Variants in FAM151A observed in about 807,000 individuals in gnomAD.
FAM151A encodes the protein protein FAM151A.
In FAM151A, 41 loss-of-function variants were observed where a neutral mutation model predicts 40.4. The observed-to-expected ratio is 1.01, with a 90% confidence interval of 0.79 to 1.32. FAM151A has a LOEUF of 1.32. Ranked by LOEUF, FAM151A falls within the 40% of genes most tolerant of loss-of-function variation. The pLI, the probability that FAM151A is intolerant of heterozygous loss-of-function variation, is 0.00. For missense variants in FAM151A, 740 were observed against 740.4 expected (o/e 1.00, Z 0.01); for synonymous variants, 337 against 312.5 (o/e 1.08, Z -0.83).
At chr1:54,620,428 G>A (rs1314555514) in intron 1 of FAM151A, among the ~76,000 whole-genome samples, 1 of 152,232 alleles carries the variant, frequency 6.6e-6, no homozygotes, top group Middle Eastern at 3.2e-3. Context: ...AGAGGGGGCC[G>A]GGCATGGTGG....
Position 54,623,478 on chromosome 1 carries a change from C to G in FAM151A, c.-83G>C, listed in dbSNP as rs1430802067. 1.0e-6 allele frequency: 1 copy of G among 981,190 alleles called. No individual in the cohort carries two copies. Among genetic ancestry groups the G allele is most frequent in the Non-Finnish European group, 1.6e-6 (1 of 622,220 alleles). The allele number at this position is 981,190 out of a possible 1,614,324, so 60.8% of individuals were successfully genotyped here. On this transcript the variant is annotated 5_prime_UTR_variant, in exon 1 of 8. Coordinates refer to ENST00000302250, the MANE Select transcript of FAM151A (RefSeq NM_176782.3). The stretch of plus-strand genomic sequence containing the variant: ...CCTGCAGCTGGAATCCTGTGGGAGG[C>G]AGGAGCTCCCAGCAGCACCTAATTC...
chr1:54,610,133 G>A (rs1644100403), intron 7 of FAM151A, 192 bp from the exon 8 acceptor site: 1 of 1,433,208 alleles, frequency 7.0e-7, no homozygotes, highest in East Asian at 2.5e-5. Flanking sequence ...AGAAACTCTT[G>A]TTTCAGCTCT....
rs536948940 is a variant in FAM151A, at chr1:54,610,881, C to G, written c.941-326G>C. ...GGGCCTCTTTGAGATGGCTTAACTG[C>G]GGCTCTTCTGGGTTCGGGGTCAAGG... On this transcript the variant is annotated intron_variant, in intron 6 of 7. Coordinates refer to ENST00000302250, the MANE Select transcript of FAM151A (RefSeq NM_176782.3). The G allele has an allele frequency of 6.9e-5, 68 of 985,352 alleles. No individual in the cohort carries two copies. In the African/African-American group the frequency reaches 1.2e-3, roughly 17 times the overall value. 61.0% of individuals were successfully genotyped at this position (985,352 alleles called of 1,614,324 possible).
At chr1:54,614,047 C>T (rs190957279) in intron 4 of FAM151A, among the ~76,000 whole-genome samples, 336 of 152,342 alleles carry the variant, frequency 2.2e-3, no homozygotes, top group Non-Finnish European at 4.0e-3. Context: ...TAAAACAGTT[C>T]TGGGACACAT....
intron 2 of FAM151A, among the ~76,000 whole-genome samples, chr1:54,618,226 G>C (rs567614586): frequency 6.6e-6 from 1 of 152,160 alleles, no homozygotes; most frequent in African/African-American, 2.4e-5. Flanking sequence ...CTCCTCAGCC[G>C]GGCGCGGTGG....
chr1:54,622,635 G>A (rs1397047709), intron 1 of FAM151A, among the ~76,000 whole-genome samples: 3 of 151,938 alleles, frequency 2.0e-5, no homozygotes, highest in Admixed American at 1.3e-4. Context: ...GCTACTTGTG[G>A]GGCTGAGGCA....
chr1:54,616,906 A>G (rs913250345), intron 2 of FAM151A, among the ~76,000 whole-genome samples: 3 of 152,062 alleles, frequency 2.0e-5, no homozygotes, highest in Non-Finnish European at 4.4e-5. Flanking sequence ...TAGTCTTGCT[A>G]TGTTGCCCTG....
intron 2 of FAM151A, among the ~76,000 whole-genome samples, chr1:54,617,709 ATTTTTTTTTTTTTTTTTTTTTTTT>A (rs56229276): frequency 3.6e-5 from 2 of 55,766 alleles, no homozygotes; most frequent in South Asian, 2.2e-3. Flanking sequence ...AGGGCCTGAG[ATTTTTTTTTTTTTTTTTTTTTTTT>A]TTTTTTTTTT....
At chr1:54,613,570 G>T (rs1644141040) in intron 4 of FAM151A, among the ~76,000 whole-genome samples, 1 of 152,058 alleles carries the variant, frequency 6.6e-6, no homozygotes, top group Non-Finnish European at 1.5e-5. Context: ...TTATAGGTGT[G>T]AGCCACTGTG....
At position 54,609,339 on chromosome 1, in the gene FAM151A, T is replaced by C; in HGVS notation, c.1687A>G (p.Arg563Gly). Residue 563 changes from arginine to glycine, a missense_variant, in exon 8 of 8, where the codon AGG (arginine) becomes GGG (glycine). Arg to Gly is a moderately radical substitution (Grantham distance 125). Transcript: ENST00000302250. ...TALLAARAVDRTRVYYRLPQG... is the reference protein window; with the variant it reads ...TALLAARAVDGTRVYYRLPQG... ...GGTAGCCTGTAGTAGACTCGGGTCC[T>C]GTCCACAGCCCTAGCTGCCAGCAAT... 2 of 1,614,144 alleles carry C rather than the reference T, an allele frequency of 1.2e-6. No individual in the cohort carries two copies. Among genetic ancestry groups the C allele is most frequent in the Non-Finnish European group, 1.7e-6 (2 of 1,179,978 alleles).
chr1:54,614,407 T>G (rs1358749504), intron 4 of FAM151A, among the ~76,000 whole-genome samples: 2 of 137,130 alleles, frequency 1.5e-5, no homozygotes, highest in Admixed American at 7.5e-5. Flanking sequence ...GACAGCCCCA[T>G]GAAGTCAGGG....
At position 54,610,464 on chromosome 1, in the gene FAM151A, CCACTCCACATTCAGACCGTCATCCCCAGG is replaced by C. The variant is rs373739034; in HGVS notation, c.1003_1031del (p.Pro335AlafsTer4). 0.033 allele frequency: 53,296 copies of C among 1,608,204 alleles called. 1,266 individuals carry two copies. The highest frequency in any genetic ancestry group is 0.037 in the Non-Finnish European group (44,039 of 1,176,098). Reference sequence around the variant, plus strand: ...CGCTGCCCTGGACGTCAGGAACCAGCCACTCCACATTCAGACCGTCATCCCCAGGCAGCTGGAGAAGAGGGATCAGGCTG... The same window carrying C: ...CGCTGCCCTGGACGTCAGGAACCAGCCAGCTGGAGAAGAGGGATCAGGCTG... On this transcript the variant is annotated frameshift_variant, in exon 7 of 8. Coordinates refer to ENST00000302250, the MANE Select transcript of FAM151A (RefSeq NM_176782.3). LOFTEE classifies it high-confidence loss of function.
rs1644213163 is a variant in FAM151A, at chr1:54,619,940, G to T, written c.186C>A (p.Ile62=). ...MLDYLLSLGQ[I]SRRDALEVTW... ...TGACCTCCAAGGCATCTCGCCGGCT[G>T]ATCTGGCCCAGGCTCAGCAGGTAGT... The change falls in exon 2 of 8, where the codon ATC becomes ATA. Residue 62 remains isoleucine (I), a synonymous_variant. Coordinates refer to ENST00000302250, the MANE Select transcript of FAM151A (RefSeq NM_176782.3). The T allele has an allele frequency of 6.2e-7, 1 of 1,614,188 alleles. No homozygotes were observed. The highest frequency in any genetic ancestry group is 1.7e-5 in the Admixed American group (1 of 60,032).
At chr1:54,612,958 A>C (rs1313483561) in intron 4 of FAM151A, among the ~76,000 whole-genome samples, 1 of 152,058 alleles carries the variant, frequency 6.6e-6, no homozygotes, top group Non-Finnish European at 1.5e-5. Context: ...CATAGACAGC[A>C]TCCCTTCCAG....
Position 54,623,296 on chromosome 1 carries a change from T to C in FAM151A, c.100A>G (p.Ile34Val). The C allele has an allele frequency of 6.2e-7, 1 of 1,613,818 alleles. No individual in the cohort carries two copies. The highest frequency in any genetic ancestry group is 8.5e-7 in the Non-Finnish European group (1 of 1,179,868). Residue 34 changes from isoleucine to valine, a missense_variant, in exon 1 of 8, where the codon ATC (isoleucine) becomes GTC (valine). Coordinates refer to ENST00000302250, the MANE Select transcript of FAM151A (RefSeq NM_176782.3). ...CACCTACCTGGCCGCCGCAGGGTGATGGCAAGGACTATTGCGGCAATGACC... is the reference window on the plus strand; with the variant it reads ...CACCTACCTGGCCGCCGCAGGGTGACGGCAAGGACTATTGCGGCAATGACC... ...VVVIAAIVLA[I>V]TLRRPGCELE... is the part of the protein sequence containing the mutation.
chr1:54,619,375 A>G (rs898299108), intron 2 of FAM151A, among the ~76,000 whole-genome samples: 1 of 152,186 alleles, frequency 6.6e-6, no homozygotes, highest in African/African-American at 2.4e-5. Context: ...CTGCTTTCAG[A>G]CAGTGTAACC....
chr1:54,611,208 C>T lies in FAM151A; in HGVS notation c.940+398G>A, dbSNP rs189129031. On this transcript the variant is annotated intron_variant, in intron 6 of 7. Coordinates refer to ENST00000302250, the MANE Select transcript of FAM151A (RefSeq NM_176782.3). ...CAGTACTTTGGGAGGCCAAGGCGGG[C>T]GGATCACTTGAGGGCAGAAGTTCGA... Among the ~76,000 whole-genome samples, 25 of 152,132 alleles carry T rather than the reference C, an allele frequency of 1.6e-4. 1 individual carries two copies. Among genetic ancestry groups the T allele is most frequent in the African/African-American group, 5.5e-4 (23 of 41,498 alleles).
At chr1:54,618,007 A>G (rs1644192895) in intron 2 of FAM151A, among the ~76,000 whole-genome samples, 1 of 152,062 alleles carries the variant, frequency 6.6e-6, no homozygotes, top group African/African-American at 2.4e-5. Context: ...AATTACAGGC[A>G]TGAGCCACCA....
intron 3 of FAM151A, among the ~76,000 whole-genome samples, chr1:54,615,313 A>G (rs1050577184): frequency 2.0e-5 from 3 of 152,178 alleles, no homozygotes; most frequent in Non-Finnish European, 4.4e-5. Context: ...CAGGGTGGTG[A>G]GGAGATGAGG....
Sources: allele counts gnomAD v4.1 joint callset (sites outside exome capture counted in the v4.1 genomes callset), GRCh38; gene constraint gnomAD v4.1.1; transcripts MANE v1.5; gene names NCBI Gene and HGNC (gene_info 2026-07-23, HGNC 2026-07-21).